The following FAAH2 variants were observed in gnomAD, a reference collection of about 807,000 sequenced individuals.
The protein encoded by FAAH2 is fatty acid amide hydrolase 2.
FAAH2 carries 60 observed loss-of-function variants against 36.9 expected under a neutral mutation model. The ratio of observed to expected loss-of-function variants is 1.63; its 90% CI spans 1.32 to 2.02. The LOEUF is 2.02. FAAH2 is among the 30% of genes most tolerant of loss of function. The pLI is 0.00. For synonymous variants in FAAH2, 214 were observed against 143.8 expected (o/e 1.49, Z -3.49); for missense variants, 689 against 397.5 (o/e 1.73, Z -6.23).
intron 6 of FAAH2, among the ~76,000 whole-genome samples, chrX:57,379,805 G>A (rs1014232526): frequency 4.8e-5 from 3 of 62,376 alleles, no homozygotes; most frequent in Non-Finnish European, 9.5e-5. Flanking sequence ...TCTTGCCAAA[G>A]TCCCTGAATT....
intron 10 of FAAH2, chrX:57,452,301 T>G: frequency 1.3e-6 from 1 of 754,712 alleles, no homozygotes. Context: ...AACTCAAGAT[T>G]TATATGTCAG....
chrX:57,440,736 G>A (rs940822033), intron 8 of FAAH2, among the ~76,000 whole-genome samples: 2 of 111,535 alleles, frequency 1.8e-5, no homozygotes, highest in African/African-American at 3.3e-5. Flanking sequence ...TTGGCTTTGG[G>A]TTTGGCATAA....
At chrX:57,394,508 T>A (rs1283786319) in intron 7 of FAAH2, 1 of 1,205,841 alleles carries the variant, frequency 8.3e-7, no homozygotes, top group African/African-American at 1.8e-5. Context: ...AACAGGTGTC[T>A]TGAGGTTAAG....
At chrX:57,345,096 T>C (rs1221913879) in intron 5 of FAAH2, among the ~76,000 whole-genome samples, 6 of 105,289 alleles carry the variant, frequency 5.7e-5, no homozygotes, top group East Asian at 3.0e-4. Flanking sequence ...ATTTCTAGAA[T>C]GAGTTAAAGA....
chrX:57,206,788 T>A, the FAAH2 span, among the ~76,000 whole-genome samples: 1 of 112,341 alleles, frequency 8.9e-6, no homozygotes, highest in Non-Finnish European at 1.9e-5. Context: ...AATGTCCCCA[T>A]AGGTTGTATA....
intron 8 of FAAH2, among the ~76,000 whole-genome samples, chrX:57,438,833 T>C: frequency 9.8e-6 from 1 of 101,848 alleles, no homozygotes; most frequent in African/African-American, 3.5e-5. Context: ...TTCCCACCTA[T>C]AAGTGAGAAC....
At chrX:57,227,356 C>T in the FAAH2 span, among the ~76,000 whole-genome samples, 7,888 of 111,079 alleles carry the variant, frequency 0.071, 700 homozygotes, top group African/African-American at 0.25. Context: ...TTATGTAGTA[C>T]TCTCCCCCTT....
chrX:57,208,882 A>G, the FAAH2 span, among the ~76,000 whole-genome samples: 2 of 112,285 alleles, frequency 1.8e-5, no homozygotes, highest in East Asian at 5.6e-4. Context: ...TGCCTTCAGC[A>G]GTTTTCCACC....
intron 10 of FAAH2, among the ~76,000 whole-genome samples, chrX:57,469,347 G>A (rs1010261197): frequency 3.6e-5 from 4 of 111,406 alleles, no homozygotes; most frequent in Admixed American, 9.6e-5. Flanking sequence ...CTGTATTCAG[G>A]AGACCCATCT....
the FAAH2 span, among the ~76,000 whole-genome samples, chrX:57,248,205 A>G: frequency 8.9e-6 from 1 of 112,314 alleles, no homozygotes; most frequent in Non-Finnish European, 1.9e-5. Context: ...CTGAGTAGCA[A>G]AATTGTAAGT....
chrX:57,159,339 A>G, the FAAH2 span, among the ~76,000 whole-genome samples: 1 of 111,848 alleles, frequency 8.9e-6, no homozygotes, highest in Admixed American at 9.5e-5. Context: ...TTTTGGTTCC[A>G]TATGAACTTT....
At position 57,393,439 on chromosome X, in the gene FAAH2, C is replaced by T. The variant is rs1470822912; in HGVS notation, c.996+12410C>T. 1.2e-5 allele frequency: 10 copies of T among 828,935 alleles called. No individual in the cohort carries two copies. In the South Asian group the frequency reaches 1.6e-4, roughly 13 times the overall value. 68.3% of individuals were successfully genotyped at this position (828,935 alleles called of 1,213,427 possible). On this transcript the variant is annotated intron_variant, in intron 7 of 10. Transcript: ENST00000374900. Reference sequence around the variant, plus strand: ...CTATTCCAATGTCTGCTCCAAATCCCGCCTCCGTCACTACAAACCCTTCTG... The same window carrying T: ...CTATTCCAATGTCTGCTCCAAATCCTGCCTCCGTCACTACAAACCCTTCTG...
chrX:57,287,018 G>C lies in FAAH2; in HGVS notation c.192+1G>C. 1 of 1,180,053 alleles carries C rather than the reference G, an allele frequency of 8.5e-7. No homozygotes were observed. Among genetic ancestry groups the C allele is most frequent in the East Asian group, 3.1e-5 (1 of 32,784 alleles). On this transcript the variant is annotated splice_donor_variant, in intron 1 of 10. Transcript: ENST00000374900. LOFTEE classifies it high-confidence loss of function. ...GGCCAAGCTGATCCGACAGAGAAAG[G>C]TGAGAATGCAATTCAGAAGAGGCTG...
At chrX:57,272,985 A>T in the FAAH2 span, among the ~76,000 whole-genome samples, 2 of 112,056 alleles carry the variant, frequency 1.8e-5, no homozygotes, top group African/African-American at 6.5e-5. Flanking sequence ...ATAAAAAGTC[A>T]AGACACCTCA....
intron 10 of FAAH2, among the ~76,000 whole-genome samples, chrX:57,470,099 A>T (rs1263195727): frequency 1.8e-5 from 2 of 111,868 alleles, no homozygotes; most frequent in African/African-American, 6.5e-5. Context: ...CATTTAAAGC[A>T]GTGTGTAGAG....
At chrX:57,143,023 A>G in the FAAH2 span, among the ~76,000 whole-genome samples, 1 of 111,312 alleles carries the variant, frequency 9.0e-6, no homozygotes, top group African/African-American at 3.3e-5. Flanking sequence ...AGTTTCTTGT[A>G]CACAGAATCT....
At chrX:57,431,515 C>T (rs1337117495) in intron 7 of FAAH2, among the ~76,000 whole-genome samples, 3 of 111,314 alleles carry the variant, frequency 2.7e-5, no homozygotes, top group Non-Finnish European at 5.7e-5. Context: ...CTCAGACTGT[C>T]CCCAGAGAAG....
the FAAH2 span, among the ~76,000 whole-genome samples, chrX:57,245,463 G>A: frequency 4.5e-5 from 5 of 111,447 alleles, no homozygotes; most frequent in Non-Finnish European, 9.4e-5. Context: ...TTCTAAAATT[G>A]ACCAAATAAT....
At chrX:57,480,641 C>T (rs1330130827) in intron 10 of FAAH2, among the ~76,000 whole-genome samples, 2 of 111,680 alleles carry the variant, frequency 1.8e-5, no homozygotes, top group Non-Finnish European at 3.8e-5. Flanking sequence ...TGTAGGTAAC[C>T]TGACCTTTCT....
Sources: allele counts gnomAD v4.1 joint callset (sites outside exome capture counted in the v4.1 genomes callset), GRCh38; gene constraint gnomAD v4.1.1; transcripts MANE v1.5; gene names NCBI Gene and HGNC (gene_info 2026-07-23, HGNC 2026-07-21).